Variants in HMGXB4 observed in about 807,000 individuals in gnomAD.
The protein encoded by HMGXB4 is HMG-box containing 4.
A neutral mutation model predicts 63.9 loss-of-function variants in HMGXB4; 27 were observed. The ratio of observed to expected loss-of-function variants is 0.42; its 90% CI spans 0.31 to 0.58. HMGXB4 has a LOEUF of 0.58. Among genes scored for constraint, HMGXB4 ranks in the 20% least tolerant of loss-of-function variants. The pLI, the probability that HMGXB4 is intolerant of heterozygous loss-of-function variation, is 0.13. For missense variants in HMGXB4, 624 were observed against 700.7 expected (o/e 0.89, Z 1.24); for synonymous variants, 264 against 265.3 (o/e 0.99, Z 0.05).
chr22:35,292,061 G>C (rs1924964066), intron 9 of HMGXB4, among the ~76,000 whole-genome samples: 1 of 152,164 alleles, frequency 6.6e-6, no homozygotes, highest in Non-Finnish European at 1.5e-5. Context: ...TTCCTTACAG[G>C]AAGTTGAGAT....
intron 5 of HMGXB4, among the ~76,000 whole-genome samples, chr22:35,270,808 G>A (rs144083156): frequency 1.3e-3 from 197 of 152,334 alleles, no homozygotes; most frequent in African/African-American, 4.6e-3. Context: ...CAAAAAATCT[G>A]AAGTAGTCAT....
rs140592215 is a variant in HMGXB4 at position 35,264,811 on chromosome 22, G to A, written c.423G>A (p.Ser141=). 8.4e-5 allele frequency: 136 copies of A among 1,613,990 alleles called. No homozygotes were observed. Among genetic ancestry groups the A allele is most frequent in the South Asian group, 8.3e-4 (76 of 91,086 alleles). Reference sequence around the variant, plus strand: ...AATCCTCTGGCTCTTCAAGCCATTCGGAGAGTAAAAAGGAGCACCACAGGA... The same window carrying A: ...AATCCTCTGGCTCTTCAAGCCATTCAGAGAGTAAAAAGGAGCACCACAGGA... ...GEKSSGSSSH[S]ESKKEHHRKK... is the part of the protein sequence containing the mutation. The change falls in exon 5 of 11, where the codon TCG becomes TCA. Residue 141 remains serine, a synonymous_variant. Transcript: ENST00000216106.
At chr22:35,245,329 A>ATTTT in the HMGXB4 span, among the ~76,000 whole-genome samples, 31 of 119,628 alleles carry the variant, frequency 2.6e-4, no homozygotes, top group African/African-American at 9.2e-4. Context: ...GAAACTTTCT[A>ATTTT]TTTTTTTTTT....
upstream of HMGXB4, among the ~76,000 whole-genome samples, chr22:35,255,861 G>A (rs1922375821): frequency 2.6e-5 from 4 of 152,384 alleles, no homozygotes; most frequent in South Asian, 6.2e-4. Flanking sequence ...GAAGCCTAAC[G>A]TCAGGCAGGG....
At chr22:35,272,189 AAC>A (rs1439451908) in intron 5 of HMGXB4, among the ~76,000 whole-genome samples, 1 of 152,196 alleles carries the variant, frequency 6.6e-6, no homozygotes, top group East Asian at 1.9e-4. Context: ...TTGGAGGAGA[AAC>A]ACAGAAGGGA....
chr22:35,284,163 A>G (rs1160680698), intron 6 of HMGXB4, 120 bp downstream of exon 6: 4 of 699,368 alleles, frequency 5.7e-6, no homozygotes, highest in African/African-American at 1.8e-5. Flanking sequence ...CAGTTCTGCA[A>G]ATCACTTTAG....
intron 5 of HMGXB4, among the ~76,000 whole-genome samples, chr22:35,283,479 A>C (rs1377178513): frequency 6.6e-6 from 1 of 152,170 alleles, no homozygotes; most frequent in Non-Finnish European, 1.5e-5. Context: ...CTGAGTGGTA[A>C]GTAACATGGA....
Position 35,264,916 on chromosome 22 carries a change from T to C in HMGXB4, c.528T>C (p.Tyr176=), listed in dbSNP as rs765756625. ...AATCGAAAAAAATGAAACCTCTCTA[T>C]GTGAACACAGAGACACTGACCCTTC... The part of the protein sequence containing the change: ...SHKSKKMKPL[Y]VNTETLTLRE... Residue 176 remains tyrosine, a synonymous_variant, in exon 5 of 11, where the codon TAT becomes TAC. Transcript: ENST00000216106. 1.9e-6 allele frequency: 3 copies of C among 1,614,118 alleles called. No homozygotes were observed. The highest frequency in any genetic ancestry group is 1.1e-5 in the South Asian group (1 of 91,084).
At chr22:35,250,520 G>A in the HMGXB4 span, among the ~76,000 whole-genome samples, 1 of 152,102 alleles carries the variant, frequency 6.6e-6, no homozygotes, top group African/African-American at 2.4e-5. Flanking sequence ...CATTCATGAG[G>A]GATCTGCCCC....
At chr22:35,274,852 T>A (rs78976065) in intron 5 of HMGXB4, among the ~76,000 whole-genome samples, 2,837 of 152,276 alleles carry the variant, frequency 0.019, 83 homozygotes, top group African/African-American at 0.064. Flanking sequence ...AGATCAGATT[T>A]GGGGATCTCA....
At chr22:35,291,249 G>C (rs997797324) in intron 9 of HMGXB4, among the ~76,000 whole-genome samples, 1 of 152,180 alleles carries the variant, frequency 6.6e-6, no homozygotes, top group African/African-American at 2.4e-5. Flanking sequence ...CTGGGCAACA[G>C]AGTGAGACCC....
intron 5 of HMGXB4, among the ~76,000 whole-genome samples, chr22:35,277,418 AGCTCACT>A (rs1923977755): frequency 6.6e-6 from 1 of 152,164 alleles, no homozygotes; most frequent in Non-Finnish European, 1.5e-5. Context: ...GCACCATCTT[AGCTCACT>A]GCAACCTCCG....
At chr22:35,266,223 T>C (rs55672217) in intron 5 of HMGXB4, among the ~76,000 whole-genome samples, 1 of 152,226 alleles carries the variant, frequency 6.6e-6, no homozygotes, top group Non-Finnish European at 1.5e-5. Context: ...CACTGTCTGC[T>C]TAGGGCAGTT....
chr22:35,278,991 G>C (rs1924073777), intron 5 of HMGXB4, among the ~76,000 whole-genome samples: 1 of 151,938 alleles, frequency 6.6e-6, no homozygotes, highest in South Asian at 2.1e-4. Flanking sequence ...AGACTGTAGT[G>C]AGCTATGATC....
rs1922489851 is a variant in HMGXB4, at chr22:35,257,518, T to C, written c.-108T>C. The C allele has an allele frequency of 6.5e-6, 1 of 152,882 alleles. No homozygotes were observed. Among genetic ancestry groups the C allele is most frequent in the African/African-American group, 2.4e-5 (1 of 41,468 alleles). The allele number at this position is 152,882 out of a possible 1,614,324, so 9.5% of individuals were successfully genotyped here. On this transcript the variant is annotated 5_prime_UTR_variant, in exon 1 of 11. Transcript: ENST00000216106. ...CTCTCCTTCTCCAAGATGGCGGCGATCGGCGGCGTTGAGGCGGGATCCGGG... is the reference window on the plus strand; with the variant it reads ...CTCTCCTTCTCCAAGATGGCGGCGACCGGCGGCGTTGAGGCGGGATCCGGG...
intron 5 of HMGXB4, among the ~76,000 whole-genome samples, chr22:35,274,867 A>G (rs1411583591): frequency 2.6e-5 from 4 of 152,194 alleles, no homozygotes; most frequent in Non-Finnish European, 5.9e-5. Flanking sequence ...ATCTCAGTCA[A>G]GTTAGTTCAG....
Position 35,265,267 on chromosome 22 carries a change from A to G in HMGXB4, c.879A>G (p.Glu293=). The G allele has an allele frequency of 1.9e-6, 3 of 1,614,170 alleles. No individual in the cohort carries two copies. In the South Asian group the frequency reaches 3.3e-5, roughly 18 times the overall value. The change falls in exon 5 of 11, where the codon GAA becomes GAG. Residue 293 remains glutamate (E), a synonymous_variant. Transcript: ENST00000216106. ...DLSGLEPILV[E]SDSSSGGELE... Reference sequence around the variant, plus strand: ...CAGGGCTTGAACCTATTCTGGTAGAATCAGACTCATCCTCTGGTGGGGAAC... The same window carrying G: ...CAGGGCTTGAACCTATTCTGGTAGAGTCAGACTCATCCTCTGGTGGGGAAC...
chr22:35,260,468 A>G (rs1273551335), intron 1 of HMGXB4, among the ~76,000 whole-genome samples: 1 of 152,252 alleles, frequency 6.6e-6, no homozygotes, highest in Non-Finnish European at 1.5e-5. Flanking sequence ...AGGGGAGGAC[A>G]GTAGTTTCCG....
intron 5 of HMGXB4, among the ~76,000 whole-genome samples, chr22:35,275,542 A>T (rs1601634434): frequency 6.6e-6 from 1 of 152,286 alleles, no homozygotes; most frequent in Admixed American, 6.5e-5. Flanking sequence ...CAGTTCTATG[A>T]CCCAAAAAAG....
Sources: allele counts gnomAD v4.1 joint callset (sites outside exome capture counted in the v4.1 genomes callset), GRCh38; gene constraint gnomAD v4.1.1; transcripts MANE v1.5; gene names NCBI Gene and HGNC (gene_info 2026-07-23, HGNC 2026-07-21).